The following CDC14B variants were observed in gnomAD, a reference collection of about 807,000 sequenced individuals.
The protein encoded by CDC14B is dual specificity protein phosphatase CDC14B.
Under a neutral mutation model 64.2 loss-of-function variants are expected in CDC14B, and 22 were observed. The observed-to-expected ratio is 0.34, with a 90% CI of 0.24 to 0.49. The LOEUF is 0.49. Among genes scored for constraint, CDC14B ranks in the 20% least tolerant of loss-of-function variants. CDC14B has a pLI of 0.99. For missense variants in CDC14B, 498 were observed against 629.9 expected, an observed-to-expected ratio of 0.79 and a Z score of 2.24; for synonymous variants, 191 against 215.8, an observed-to-expected ratio of 0.89 and a Z score of 1.01.
chr9:96,541,859 A>G lies in CDC14B; in HGVS notation c.531T>C (p.Ile177=). ...DAAYGSCNFY[I]TLLDCFHAVK... is the part of the protein sequence containing the mutation. ...CTGCATGAAAACAGTCAAGAAGTGT[A>G]ATGTAGAAATTGCAACTTCCATAGG... Residue 177 remains isoleucine, a synonymous_variant, in exon 6 of 14, where the codon ATT becomes ATC. Coordinates refer to ENST00000375241, the MANE Select transcript of CDC14B (RefSeq NM_033331.4). The G allele has an allele frequency of 6.2e-7, 1 of 1,610,014 alleles. No individual in the cohort carries two copies.
intron 12 of CDC14B, among the ~76,000 whole-genome samples, chr9:96,517,062 G>A (rs933420026): frequency 6.6e-5 from 10 of 151,688 alleles, no homozygotes; most frequent in Admixed American, 2.6e-4. Context: ...GGGGTCGGCC[G>A]GGCGCAGTGG....
At chr9:96,584,677 G>A (rs1345124811) in intron 1 of CDC14B, among the ~76,000 whole-genome samples, 1 of 151,904 alleles carries the variant, frequency 6.6e-6, no homozygotes, top group East Asian at 1.9e-4. Context: ...TTTTTGTGAC[G>A]GAGTCCCGCT....
At chr9:96,618,999 T>G (rs1278199738) in intron 1 of CDC14B, among the ~76,000 whole-genome samples, 2 of 147,884 alleles carry the variant, frequency 1.4e-5, no homozygotes, top group African/African-American at 2.5e-5. Flanking sequence ...AAGCTAAAGT[T>G]AAAGCTCGCA....
At chr9:96,550,999 C>G (rs1587929448) in intron 5 of CDC14B, among the ~76,000 whole-genome samples, 1 of 151,758 alleles carries the variant, frequency 6.6e-6, no homozygotes, top group East Asian at 1.9e-4. Flanking sequence ...AAAGTAACTA[C>G]TGATTATTGG....
intron 12 of CDC14B, among the ~76,000 whole-genome samples, chr9:96,520,181 T>C (rs1241616391): frequency 2.6e-5 from 4 of 152,330 alleles, no homozygotes; most frequent in South Asian, 4.1e-4. Flanking sequence ...CTCGGGTCTA[T>C]ACACATAACT....
chr9:96,572,737 A>C (rs1844547852), intron 1 of CDC14B, among the ~76,000 whole-genome samples: 1 of 152,206 alleles, frequency 6.6e-6, no homozygotes. Flanking sequence ...TAAAATCAAC[A>C]CTCATTTCCA....
intron 7 of CDC14B, among the ~76,000 whole-genome samples, chr9:96,537,084 G>A (rs559635173): frequency 6.6e-6 from 1 of 152,124 alleles, no homozygotes; most frequent in African/African-American, 2.4e-5. Context: ...GAGTGCAGGA[G>A]TTTGTGACCA....
chr9:96,550,555 C>T (rs1014542450), intron 5 of CDC14B, among the ~76,000 whole-genome samples: 1 of 152,136 alleles, frequency 6.6e-6, no homozygotes, highest in African/African-American at 2.4e-5. Flanking sequence ...TGTAACAATC[C>T]TAATACGATA....
intron 1 of CDC14B, among the ~76,000 whole-genome samples, chr9:96,589,851 C>T (rs1046213769): frequency 4.6e-5 from 7 of 151,744 alleles, no homozygotes; most frequent in African/African-American, 1.5e-4. Context: ...GTCCCAGCTA[C>T]TCAGAAGGCT....
chr9:96,586,898 C>T (rs887939844), intron 1 of CDC14B, among the ~76,000 whole-genome samples: 2 of 151,910 alleles, frequency 1.3e-5, no homozygotes, highest in African/African-American at 4.8e-5. Context: ...ACAGGCCAGG[C>T]GCGGTGGCTC....
chr9:96,605,984 T>C (rs1187003565), intron 1 of CDC14B, among the ~76,000 whole-genome samples: 1 of 151,990 alleles, frequency 6.6e-6, no homozygotes, highest in Non-Finnish European at 1.5e-5. Context: ...AAAAATAGCT[T>C]TTATAGCATT....
chr9:96,533,760 A>C (rs905687966), intron 9 of CDC14B, among the ~76,000 whole-genome samples, 167 bp downstream of exon 9: 1 of 152,260 alleles, frequency 6.6e-6, no homozygotes, highest in Non-Finnish European at 1.5e-5. Flanking sequence ...AGAATTACTT[A>C]TGAAAATAAG....
chr9:96,611,385 A>G (rs541694551), intron 1 of CDC14B, among the ~76,000 whole-genome samples: 9 of 152,202 alleles, frequency 5.9e-5, no homozygotes, highest in South Asian at 2.1e-4. Flanking sequence ...AATCTCTTCC[A>G]TATTTGTCCT....
chr9:96,597,909 G>T (rs1187656260), intron 1 of CDC14B, among the ~76,000 whole-genome samples: 1 of 152,110 alleles, frequency 6.6e-6, no homozygotes, highest in Non-Finnish European at 1.5e-5. Context: ...TAGCATAAAG[G>T]CTAGGATGGG....
chr9:96,561,916 G>A (rs1029062096), intron 4 of CDC14B, among the ~76,000 whole-genome samples: 132 of 152,256 alleles, frequency 8.7e-4, no homozygotes, highest in African/African-American at 3.1e-3. Flanking sequence ...CCAGACACAG[G>A]GGGTAGTACT....
At chr9:96,536,775 G>A (rs1256267678) in intron 7 of CDC14B, among the ~76,000 whole-genome samples, 2 of 152,208 alleles carry the variant, frequency 1.3e-5, no homozygotes, top group East Asian at 3.8e-4. Flanking sequence ...GAGCAAGTCT[G>A]CTCAAGGTAA....
intron 1 of CDC14B, among the ~76,000 whole-genome samples, chr9:96,606,527 TTGTGTGTGTGTGTGTGTGTGTG>T (rs376059971): frequency 7.6e-4 from 86 of 112,854 alleles, no homozygotes; most frequent in Non-Finnish European, 9.7e-4. Flanking sequence ...TACTAAAAGT[TTGTGTGTGTGTGTGTGTGTGTG>T]TGTGTGTGTG....
At chr9:96,590,562 T>C (rs1404254720) in intron 1 of CDC14B, among the ~76,000 whole-genome samples, 4 of 152,164 alleles carry the variant, frequency 2.6e-5, no homozygotes, top group East Asian at 3.8e-4. Flanking sequence ...CTATACTATT[T>C]TCCATAGCAA....
chr9:96,567,860 T>C (rs2117878863), intron 1 of CDC14B, among the ~76,000 whole-genome samples: 1 of 152,330 alleles, frequency 6.6e-6, no homozygotes, highest in Admixed American at 6.5e-5. Flanking sequence ...CTTAAGGGGA[T>C]GGATACCCCA....
Sources: allele counts gnomAD v4.1 joint callset (sites outside exome capture counted in the v4.1 genomes callset), GRCh38; gene constraint gnomAD v4.1.1; transcripts MANE v1.5; gene names NCBI Gene and HGNC (gene_info 2026-07-23, HGNC 2026-07-21).